The following UGGT1 variants were observed in gnomAD, a reference collection of about 807,000 sequenced individuals.
The protein encoded by UGGT1 is UDP-glucose:glycoprotein glucosyltransferase 1.
In UGGT1, 107 loss-of-function variants were observed where a neutral mutation model predicts 203.9. That is an observed-to-expected ratio of 0.52 (90% CI 0.45 to 0.62). UGGT1 has a LOEUF of 0.62. UGGT1 is among the 20% of genes least tolerant of loss of function. UGGT1 has a pLI of 0.00. For synonymous variants in UGGT1, 628 were observed against 653.5 expected (o/e 0.96, Z 0.59); for missense variants, 1,673 against 1,867.2 (o/e 0.90, Z 1.92).
rs1688581699 is a variant in UGGT1, at chr2:128,126,024, C to A, written c.1135-1337C>A. On this transcript the variant is annotated intron_variant, in intron 11 of 40. Coordinates refer to ENST00000259253, the MANE Select transcript of UGGT1 (RefSeq NM_020120.4). ...GTGGCATGATCTCAGCTCACTGTAA[C>A]CTTCGCCTCCCGGTTCAAGTGATTC... 5.3e-5 allele frequency among the ~76,000 whole-genome samples: 8 copies of A among 150,722 alleles called. No homozygotes were observed. The South Asian group carries it at 1.7e-3, about 32-fold the overall frequency.
intron 18 of UGGT1, among the ~76,000 whole-genome samples, chr2:128,150,882 G>A (rs953888241): frequency 6.6e-5 from 10 of 151,862 alleles, no homozygotes; most frequent in African/African-American, 2.2e-4. Flanking sequence ...ATGGAGCCTC[G>A]CTTTGTCACC....
At chr2:128,098,016 C>G (rs772471806) in intron 2 of UGGT1, among the ~76,000 whole-genome samples, 2 of 152,072 alleles carry the variant, frequency 1.3e-5, no homozygotes, top group Non-Finnish European at 2.9e-5. Context: ...AGTGCCCCAC[C>G]ACACCCTGCT....
intron 11 of UGGT1, among the ~76,000 whole-genome samples, chr2:128,124,810 T>G (rs1688536628): frequency 6.6e-6 from 1 of 152,176 alleles, no homozygotes; most frequent in Non-Finnish European, 1.5e-5. Flanking sequence ...CGTGTATCTC[T>G]GAAGATAATG....
At chr2:128,132,698 C>T (rs1057086736) in intron 13 of UGGT1, among the ~76,000 whole-genome samples, 15 of 152,042 alleles carry the variant, frequency 9.9e-5, no homozygotes, top group African/African-American at 2.2e-4. Flanking sequence ...TTTTTCCACT[C>T]GATCTTTGTA....
intron 39 of UGGT1, 56 bp from the exon 40 acceptor site, chr2:128,187,393 C>A: frequency 6.4e-7 from 1 of 1,560,676 alleles, no homozygotes; most frequent in Admixed American, 1.9e-5. Flanking sequence ...CCTTTGAATT[C>A]TCTATCATGT....
intron 38 of UGGT1, among the ~76,000 whole-genome samples, chr2:128,185,784 A>G (rs1411945049): frequency 1.3e-5 from 2 of 152,090 alleles, no homozygotes; most frequent in African/African-American, 2.4e-5. Context: ...AGTATCATCT[A>G]TTTATTTTTG....
intron 18 of UGGT1, among the ~76,000 whole-genome samples, chr2:128,146,441 A>G (rs927243271): frequency 3.3e-5 from 5 of 152,200 alleles, no homozygotes; most frequent in African/African-American, 4.8e-5. Flanking sequence ...AATAACTAGT[A>G]TTATTGATTT....
At chr2:128,158,955 G>C (rs541469456) in intron 22 of UGGT1, among the ~76,000 whole-genome samples, 56 of 152,274 alleles carry the variant, frequency 3.7e-4, no homozygotes, top group African/African-American at 1.3e-3. Context: ...CTGAGGGTCT[G>C]TAATTTATGC....
intron 10 of UGGT1, among the ~76,000 whole-genome samples, chr2:128,122,009 T>C (rs777710780): frequency 2.6e-5 from 4 of 152,194 alleles, no homozygotes; most frequent in Non-Finnish European, 5.9e-5. Context: ...TGTCATCTTA[T>C]TGAATCTTGA....
chr2:128,115,436 T>TGG (rs1205938424), intron 7 of UGGT1, among the ~76,000 whole-genome samples: 1 of 147,114 alleles, frequency 6.8e-6, no homozygotes, highest in Admixed American at 6.9e-5. Context: ...CTTCCAGTAT[T>TGG]GGGGAGGAAT....
rs1687973656 is a variant in UGGT1, at chr2:128,113,731, AGCAC to A, written c.696+474_696+477del. ...CGCGGTGGCTCACGCCTGTAATCCC[AGCAC>A]TTTGGGAGGCCGAGGCGGGCGGATC... On this transcript the variant is annotated intron_variant, in intron 6 of 40. Transcript: ENST00000259253. Among the ~76,000 whole-genome samples the A allele has an allele frequency of 6.4e-4, 2 of 3,130 alleles. 1 individual carries two copies. Among genetic ancestry groups the A allele is most frequent in the Non-Finnish European group, 0.036 (2 of 56 alleles). 2.1% of individuals were successfully genotyped at this position (3,130 alleles called of 152,430 possible). A position where few individuals can be genotyped will look rare whatever the true frequency, so the allele number is the denominator to read the frequency against.
At chr2:128,129,004 T>C in intron 12 of UGGT1, 25 bp from the exon 13 acceptor site, 2 of 1,512,778 alleles carry the variant, frequency 1.3e-6, no homozygotes, top group Non-Finnish European at 1.8e-6. Flanking sequence ...TCCTAGTAAA[T>C]ATCTCTTTTT....
At chr2:128,133,041 A>G in intron 13 of UGGT1, 100 bp from the exon 14 acceptor site, 2 of 1,438,394 alleles carry the variant, frequency 1.4e-6, no homozygotes, top group Non-Finnish European at 1.9e-6. Flanking sequence ...CTTGTCTCAC[A>G]TGATTCTTCT....
In UGGT1 at chr2:128,188,952, C is replaced by T. The variant is rs1183156306; in HGVS notation, c.4643-765C>T. 2.0e-5 allele frequency among the ~76,000 whole-genome samples: 3 copies of T among 152,174 alleles called. No homozygotes were observed. The East Asian group carries it at 5.8e-4, about 29-fold the overall frequency. ...AATTAATTCCGATTCATCAGTAAAA[C>T]CCTGAGGATTTCCATAGATAAATGG... On this transcript the variant is annotated intron_variant, in intron 40 of 40. Transcript: ENST00000259253.
At chr2:128,164,921 A>G in intron 26 of UGGT1, 96 bp downstream of exon 26, 1 of 886,352 alleles carries the variant, frequency 1.1e-6, no homozygotes, top group Non-Finnish European at 1.7e-6. Context: ...TAAGATTTAT[A>G]TATAAGTTCT....
chr2:128,128,891 T>G, intron 12 of UGGT1, 138 bp from the exon 13 acceptor site: 3 of 769,324 alleles, frequency 3.9e-6, no homozygotes, highest in Non-Finnish European at 5.9e-6. Context: ...CCTCAATTTG[T>G]GTGTTTATTG....
chr2:128,157,153 G>T, intron 21 of UGGT1, 99 bp from the exon 22 acceptor site: 4 of 860,082 alleles, frequency 4.7e-6, no homozygotes, highest in South Asian at 1.5e-5. Flanking sequence ...TTTTTGCATG[G>T]TTCTTACAAA....
Position 128,189,860 on chromosome 2 carries a change from CT to C in UGGT1, c.*122del, listed in dbSNP as rs1359879247. 3 of 1,116,594 alleles carry C rather than the reference CT, an allele frequency of 2.7e-6. No individual in the cohort carries two copies. The highest frequency in any genetic ancestry group is 5.1e-5 in the East Asian group (2 of 38,960). The allele number at this position is 1,116,594 out of a possible 1,614,324, so 69.2% of individuals were successfully genotyped here. A position where few individuals can be genotyped will look rare whatever the true frequency, so the allele number is the denominator to read the frequency against. On this transcript the variant is annotated 3_prime_UTR_variant, in exon 41 of 41. Coordinates refer to ENST00000259253, the MANE Select transcript of UGGT1 (RefSeq NM_020120.4). ...AGCCGGCTGGGCAGGAGTGCCACAC[CT>C]TTTGATTCTGAGCATTTGATTCTGA...
Position 128,109,745 on chromosome 2 carries a change from A to G in UGGT1, c.520A>G (p.Arg174Gly), listed in dbSNP as rs1205122802. Residue 174 changes from arginine to glycine, a missense_variant and splice_region_variant, in exon 5 of 41, where the codon AGA becomes GGA. By Grantham distance (125) the Arg-to-Gly change is moderately radical. Transcript: ENST00000259253. ...LEALLLTASERPKPLLFKGDH... is the reference protein window; with the variant it reads ...LEALLLTASEGPKPLLFKGDH... ...GGCTCTTCTACTGACAGCCTCTGAA[A>G]GGTAGATTATGTGTTTCTTTATTTT... The G allele has an allele frequency of 1.2e-6, 2 of 1,610,374 alleles. No homozygotes were observed. Among genetic ancestry groups the G allele is most frequent in the Non-Finnish European group, 8.5e-7 (1 of 1,176,756 alleles).
Sources: allele counts gnomAD v4.1 joint callset (sites outside exome capture counted in the v4.1 genomes callset), GRCh38; gene constraint gnomAD v4.1.1; transcripts MANE v1.5; gene names NCBI Gene and HGNC (gene_info 2026-07-23, HGNC 2026-07-21).